The following NFYB variants were observed in gnomAD, a reference collection of about 807,000 sequenced individuals.
The protein encoded by NFYB is CAAT box DNA-binding protein subunit B.
In NFYB, 13 loss-of-function variants were observed where a neutral mutation model predicts 28.0. That is an observed-to-expected ratio of 0.46 (90% CI 0.30 to 0.74). NFYB has a LOEUF of 0.74. Among genes scored for constraint, NFYB ranks in the 30% least tolerant of loss-of-function variants. The probability of loss-of-function intolerance (pLI) is 0.07; values close to 1 mark genes in which losing one functional copy is unlikely to be tolerated. For synonymous variants in NFYB, 74 were observed against 75.0 expected, an observed-to-expected ratio of 0.99 and a Z score of 0.07; for missense variants, 142 against 247.6, an observed-to-expected ratio of 0.57 and a Z score of 2.86.
chr12:104,128,439 T>A lies in NFYB; in HGVS notation c.85A>T (p.Ile29Leu), dbSNP rs145971837. The change falls in exon 3 of 8, where the codon ATA becomes TTA. Residue 29 changes from isoleucine to leucine, a missense_variant. By Grantham distance (5) the Ile-to-Leu change is conservative (BLOSUM62 2). Coordinates refer to ENST00000240055, the MANE Select transcript of NFYB (RefSeq NM_006166.4). ...ADYIGGSHYV[I>L]QPHDDTEDSM... ...GCTTGCTTACCATCATGAGGCTGTA[T>A]AACATAATGACTTCCTCCAATATAG... 2.0e-5 allele frequency: 33 copies of A among 1,610,086 alleles called. No homozygotes were observed. In the African/African-American group the frequency reaches 2.9e-4, roughly 14 times the overall value.
At chr12:104,128,357 T>C in intron 3 of NFYB, 67 bp downstream of exon 3, 2 of 1,128,952 alleles carry the variant, frequency 1.8e-6, no homozygotes, top group South Asian at 2.7e-5. Context: ...GAACACCATA[T>C]TAATGAAATG....
chr12:104,126,348 C>T, intron 3 of NFYB, 104 bp from the exon 4 acceptor site: 1 of 843,396 alleles, frequency 1.2e-6, no homozygotes. Context: ...TGGTTCACCT[C>T]TTAACCATTA....
intron 2 of NFYB, among the ~76,000 whole-genome samples, chr12:104,129,188 A>G (rs2030834923): frequency 6.6e-6 from 1 of 152,164 alleles, no homozygotes; most frequent in Non-Finnish European, 1.5e-5. Context: ...AGCTTAGTAA[A>G]GCTGTACACA....
intron 1 of NFYB, among the ~76,000 whole-genome samples, chr12:104,136,921 G>C (rs2031122330): frequency 6.6e-6 from 1 of 152,120 alleles, no homozygotes; most frequent in African/African-American, 2.4e-5. Context: ...CCAGAGTTTT[G>C]CATCAATATA....
chr12:104,120,255 A>G (rs2030415660), intron 7 of NFYB, 145 bp downstream of exon 7: 4 of 590,146 alleles, frequency 6.8e-6, no homozygotes, highest in South Asian at 5.9e-5. Flanking sequence ...GGGTTTCACC[A>G]TGTTGGCCAG....
chr12:104,132,456 G>A (rs1161591158), intron 2 of NFYB, among the ~76,000 whole-genome samples: 2 of 152,110 alleles, frequency 1.3e-5, no homozygotes, highest in African/African-American at 2.4e-5. Context: ...GACCTGGAGG[G>A]GAGCACAAAT....
At chr12:104,126,328 A>G in intron 3 of NFYB, 84 bp from the exon 4 acceptor site, 5 of 1,032,644 alleles carry the variant, frequency 4.8e-6, no homozygotes, top group Non-Finnish European at 6.6e-6. Context: ...GATCCAGAAT[A>G]AAATCATTCT....
intron 5 of NFYB, among the ~76,000 whole-genome samples, chr12:104,122,444 G>C (rs1035383527): frequency 6.6e-6 from 1 of 152,186 alleles, no homozygotes; most frequent in African/African-American, 2.4e-5. Context: ...AGACTGATGA[G>C]TGTCCGTGGC....
At chr12:104,120,683 T>C (rs2030438030) in intron 6 of NFYB, among the ~76,000 whole-genome samples, 1 of 152,194 alleles carries the variant, frequency 6.6e-6, no homozygotes, top group African/African-American at 2.4e-5. Context: ...GTTTTTCAAT[T>C]TTCCTATCTC....
intron 3 of NFYB, among the ~76,000 whole-genome samples, chr12:104,128,117 CAATT>C (rs879256703): frequency 1.3e-4 from 20 of 152,150 alleles, no homozygotes; most frequent in South Asian, 2.1e-4. Flanking sequence ...GTTACCCTAT[CAATT>C]GATTATAAAT....
At chr12:104,132,072 A>G (rs2030945286) in intron 2 of NFYB, among the ~76,000 whole-genome samples, 2 of 152,260 alleles carry the variant, frequency 1.3e-5, no homozygotes, top group South Asian at 4.1e-4. Context: ...AGCTATTAAA[A>G]TAATTACAAA....
intron 3 of NFYB, 124 bp downstream of exon 3, chr12:104,128,300 C>T: frequency 1.8e-6 from 1 of 557,758 alleles, no homozygotes. Flanking sequence ...TCTCATTGAA[C>T]CGTAACACAA....
chr12:104,122,638 G>A (rs1402664572), intron 5 of NFYB, among the ~76,000 whole-genome samples: 1 of 152,162 alleles, frequency 6.6e-6, no homozygotes, highest in Non-Finnish European at 1.5e-5. Flanking sequence ...ACTAATGCCT[G>A]ATGATCTGAG....
intron 3 of NFYB, among the ~76,000 whole-genome samples, chr12:104,128,011 G>C (rs888439745): frequency 6.6e-6 from 1 of 152,060 alleles, no homozygotes; most frequent in Admixed American, 6.6e-5. Flanking sequence ...ACCTGACATA[G>C]TTCAAAGTTA....
At chr12:104,131,780 T>C (rs1316897975) in intron 2 of NFYB, 8 of 455,988 alleles carry the variant, frequency 1.8e-5, no homozygotes, top group Middle Eastern at 3.2e-4. Flanking sequence ...GCTGGTCACG[T>C]AGCTGTCAAC....
chr12:104,130,370 T>C (rs944958956), intron 2 of NFYB, among the ~76,000 whole-genome samples: 3 of 152,230 alleles, frequency 2.0e-5, no homozygotes, highest in African/African-American at 7.2e-5. Flanking sequence ...AGGTCTTCAA[T>C]AACACGGCAT....
intron 3 of NFYB, among the ~76,000 whole-genome samples, chr12:104,127,930 C>T (rs1385105274): frequency 6.6e-6 from 1 of 152,042 alleles, no homozygotes; most frequent in Non-Finnish European, 1.5e-5. Flanking sequence ...AGTGATCTGC[C>T]CACCTTGCCC....
chr12:104,134,003 C>A (rs2031016639), intron 2 of NFYB, among the ~76,000 whole-genome samples: 1 of 152,158 alleles, frequency 6.6e-6, no homozygotes, highest in South Asian at 2.1e-4. Flanking sequence ...AATGAAACCA[C>A]TCTTAAAAGC....
chr12:104,124,169 G>T (rs2030592648), intron 4 of NFYB, among the ~76,000 whole-genome samples: 1 of 151,984 alleles, frequency 6.6e-6, no homozygotes, highest in Non-Finnish European at 1.5e-5. Context: ...AGCAAAACAG[G>T]AACTAAAAAA....
Sources: allele counts gnomAD v4.1 joint callset (sites outside exome capture counted in the v4.1 genomes callset), GRCh38; gene constraint gnomAD v4.1.1; transcripts MANE v1.5; gene names NCBI Gene and HGNC (gene_info 2026-07-23, HGNC 2026-07-21).